MYH13: variants seen among roughly 807,000 people sequenced by gnomAD.
MYH13 encodes the protein myosin heavy chain 13, also known as myosin-13.
A neutral mutation model predicts 232.1 loss-of-function variants in MYH13; 177 were observed. That is an observed-to-expected ratio of 0.76 (90% CI 0.67 to 0.86). The LOEUF (loss-of-function observed/expected upper bound fraction) is 0.86. MYH13 is among the 40% of genes least tolerant of loss of function. The pLI, the probability that MYH13 is intolerant of heterozygous loss-of-function variation, is 0.00. For synonymous variants in MYH13, 884 were observed against 923.5 expected (o/e 0.96, Z 0.78); for missense variants, 2,246 against 2,405.9 (o/e 0.93, Z 1.39).
In MYH13 at chr17:10,316,198, C is replaced by T. The variant is rs112731202; in HGVS notation, c.3739-173G>A. The stretch of plus-strand genomic sequence containing the variant: ...ATAATCGGCCAGGCGCAGTGGCTCA[C>T]GCCTATAATCCCAGCACTTTGGGAG... On this transcript the variant is annotated intron_variant, in intron 27 of 40. Transcript: ENST00000252172. 4.3e-3 allele frequency among the ~76,000 whole-genome samples: 650 copies of T among 152,312 alleles called. 8 individuals are homozygous for T. Among genetic ancestry groups the T allele is most frequent in the African/African-American group, 0.015 (622 of 41,566 alleles).
chr17:10,326,900 C>T (rs1256137893), intron 22 of MYH13, among the ~76,000 whole-genome samples: 1 of 147,374 alleles, frequency 6.8e-6, no homozygotes, highest in East Asian at 2.0e-4. Flanking sequence ...ACTGCAACCT[C>T]GACTACCTGG....
chr17:10,328,752 A>G (rs976537670), intron 21 of MYH13, among the ~76,000 whole-genome samples: 2 of 146,678 alleles, frequency 1.4e-5, no homozygotes, highest in Non-Finnish European at 3.0e-5. Context: ...ATCTCGGCTC[A>G]CTGCAACCTC....
chr17:10,370,808 C>T (rs908222354), intron 2 of MYH13, among the ~76,000 whole-genome samples: 2 of 152,168 alleles, frequency 1.3e-5, no homozygotes, highest in African/African-American at 2.4e-5. Context: ...CCTCCCCATT[C>T]CTTCAGTATT....
Position 10,309,813 on chromosome 17 carries a change from C to T in MYH13, c.4674G>A (p.Glu1558=), listed in dbSNP as rs1906440608. ...GCTGCACGCGCAAGATCTTGCTCTC[C>T]TCGTGTTCCAAGGAACCCTGACGAA... ...LEEVEGSLEH[E]ESKILRVQLE... Residue 1558 remains glutamate (E), a synonymous_variant, in exon 34 of 41, where the codon GAG becomes GAA. Transcript: ENST00000252172. The T allele has an allele frequency of 6.3e-7, 1 of 1,583,026 alleles. No homozygotes were observed. The highest frequency in any genetic ancestry group is 8.6e-7 in the Non-Finnish European group (1 of 1,163,374).
intron 2 of MYH13, among the ~76,000 whole-genome samples, chr17:10,367,219 C>G (rs1310055672): frequency 6.6e-6 from 1 of 152,136 alleles, no homozygotes. Flanking sequence ...CTGAAAGCCC[C>G]ATAAGATTTG....
chr17:10,343,969 A>AG lies in MYH13; in HGVS notation c.1724dup (p.Glu576Ter). On this transcript the variant is annotated frameshift_variant, in exon 16 of 41. Coordinates refer to ENST00000252172, the MANE Select transcript of MYH13 (RefSeq NM_003802.3). LOFTEE classifies it high-confidence loss of function. ...AGTGCACCAGCGAGAAGTGAGCCTC[A>AG]GCCTTGCCTTTGGCAGGCTTGGGCT... The AG allele has an allele frequency of 1.2e-6, 2 of 1,614,216 alleles. No individual in the cohort carries two copies. The highest frequency in any genetic ancestry group is 1.7e-6 in the Non-Finnish European group (2 of 1,180,042).
chr17:10,372,900 T>G (rs888688234), intron 1 of MYH13, 79 bp downstream of exon 1: 14 of 152,344 alleles, frequency 9.2e-5, no homozygotes, highest in African/African-American at 3.4e-4. Context: ...CTTTATTGTC[T>G]TCCCCCCTTG....
chr17:10,314,051 G>A (rs1359339788), intron 29 of MYH13, among the ~76,000 whole-genome samples: 2 of 152,214 alleles, frequency 1.3e-5, no homozygotes, highest in Non-Finnish European at 2.9e-5. Context: ...ATGGCCACAA[G>A]ACGCCCTCTG....
chr17:10,336,148 T>G (rs2142250256), intron 18 of MYH13, among the ~76,000 whole-genome samples: 1 of 152,286 alleles, frequency 6.6e-6, no homozygotes, highest in East Asian at 1.9e-4. Flanking sequence ...CTCTTCTCTC[T>G]CACAGGGCCC....
chr17:10,338,890 A>G (rs1450658173), intron 18 of MYH13, among the ~76,000 whole-genome samples: 1 of 151,926 alleles, frequency 6.6e-6, no homozygotes, highest in Admixed American at 6.6e-5. Context: ...TTTAGTAGAG[A>G]CGGGGTTTCA....
chr17:10,322,335 T>C (rs896132911), intron 23 of MYH13, among the ~76,000 whole-genome samples: 3 of 151,862 alleles, frequency 2.0e-5, no homozygotes, highest in South Asian at 4.2e-4. Flanking sequence ...GAGGCAGAGG[T>C]TGCAGTGAGC....
At chr17:10,348,305 C>T (rs1452142033) in intron 12 of MYH13, among the ~76,000 whole-genome samples, 1 of 152,234 alleles carries the variant, frequency 6.6e-6, no homozygotes. Flanking sequence ...AAATGCCTGG[C>T]CTCTCCACTG....
chr17:10,364,658 T>C, intron 2 of MYH13, 116 bp from the exon 3 acceptor site: 1 of 883,198 alleles, frequency 1.1e-6, no homozygotes, highest in Non-Finnish European at 1.8e-6. Flanking sequence ...AGATTGAACA[T>C]AGGTCCTGAG....
At chr17:10,320,898 TG>T (rs1220103411) in intron 24 of MYH13, among the ~76,000 whole-genome samples, 2 of 152,088 alleles carry the variant, frequency 1.3e-5, no homozygotes, top group Non-Finnish European at 2.9e-5. Context: ...TATGCAACCA[TG>T]GGAGGCAAGG....
intron 20 of MYH13, among the ~76,000 whole-genome samples, chr17:10,331,246 C>T (rs925450205): frequency 6.6e-6 from 1 of 152,112 alleles, no homozygotes; most frequent in Non-Finnish European, 1.5e-5. Flanking sequence ...ATGCTCAGGC[C>T]CACTTCGCCC....
chr17:10,318,744 G>T (rs2074872), intron 27 of MYH13, 46 bp downstream of exon 27: 1 of 1,605,868 alleles, frequency 6.2e-7, no homozygotes, highest in African/African-American at 1.3e-5. Flanking sequence ...GCAGGTGGCC[G>T]TCGGCTGCCT....
At chr17:10,317,668 T>C (rs1444245374) in intron 27 of MYH13, 2 of 152,256 alleles carry the variant, frequency 1.3e-5, no homozygotes, top group Admixed American at 1.3e-4. Flanking sequence ...AATTCTTTGC[T>C]TTGAGGCCAT....
rs1451926181 is a variant in MYH13, at chr17:10,345,350, C to T, written c.1436G>A (p.Cys479Tyr). Residue 479 changes from cysteine to tyrosine, a missense_variant, in exon 15 of 41, where the codon TGC becomes TAC. Physicochemically the swap from Cys to Tyr is radical, Grantham distance 194. Transcript: ENST00000252172. Reference protein sequence around the residue: ...IFDFNSLEQLCINFTNEKLQQ... With the variant: ...IFDFNSLEQLYINFTNEKLQQ... ...CAGTTTCTCATTGGTGAAGTTGATGCACAGCTGCTCCAGGCTGTTGAACTG... is the reference window on the plus strand; with the variant it reads ...CAGTTTCTCATTGGTGAAGTTGATGTACAGCTGCTCCAGGCTGTTGAACTG... 1 of 1,614,240 alleles carries T rather than the reference C, an allele frequency of 6.2e-7. No individual in the cohort carries two copies. The highest frequency in any genetic ancestry group is 8.5e-7 in the Non-Finnish European group (1 of 1,180,054).
chr17:10,361,588 C>T (rs1597389698), intron 5 of MYH13, among the ~76,000 whole-genome samples: 1 of 152,214 alleles, frequency 6.6e-6, no homozygotes, highest in Non-Finnish European at 1.5e-5. Context: ...GCCACCGCAC[C>T]CAGCCTTGCT....
Sources: gnomAD v4.1 joint callset for allele counts (sites outside exome capture counted in the v4.1 genomes callset) on GRCh38, gnomAD v4.1.1 for gene constraint, MANE v1.5 for transcripts, NCBI Gene and HGNC (gene_info 2026-07-23, HGNC 2026-07-21) for gene names.